NOTCH3: variants seen among roughly 807,000 people sequenced by gnomAD.
NOTCH3 encodes the protein neurogenic locus notch homolog protein 3.
A neutral mutation model predicts 213.3 loss-of-function variants in NOTCH3; 86 were observed. The ratio of observed to expected loss-of-function variants is 0.40; its 90% CI spans 0.34 to 0.48. NOTCH3 has a LOEUF of 0.48. NOTCH3 is among the 20% of genes least tolerant of loss of function. The probability of loss-of-function intolerance (pLI) is 0.57; values close to 1 mark genes in which losing one functional copy is unlikely to be tolerated. For missense variants in NOTCH3, 2,783 were observed against 3,272.6 expected (o/e 0.85, Z 3.65); for synonymous variants, 1,354 against 1,355.9 (o/e 1.00, Z 0.03).
chr19:15,175,623 A>ACACACG (rs2046784032), intron 24 of NOTCH3, among the ~76,000 whole-genome samples: 2 of 144,368 alleles, frequency 1.4e-5, no homozygotes, highest in African/African-American at 5.1e-5. Context: ...ACGCACGCAC[A>ACACACG]CACATAGTGC....
intron 10 of NOTCH3, 110 bp from the exon 11 acceptor site, chr19:15,187,448 G>T: frequency 1.1e-6 from 1 of 923,950 alleles, no homozygotes; most frequent in Non-Finnish European, 1.6e-6. Flanking sequence ...CCATCAAGCT[G>T]TCAGGAGGCG....
At chr19:15,175,270 T>C (rs960665713) in intron 24 of NOTCH3, among the ~76,000 whole-genome samples, 12 of 150,718 alleles carry the variant, frequency 8.0e-5, no homozygotes, top group Non-Finnish European at 1.3e-4. Flanking sequence ...CGGTGGCTCA[T>C]GCCTCTAATT....
At chr19:15,187,825 G>A in intron 10 of NOTCH3, 56 bp downstream of exon 10, 1 of 1,396,132 alleles carries the variant, frequency 7.2e-7, no homozygotes, top group African/African-American at 1.4e-5. Flanking sequence ...TATTGGCCCT[G>A]TCGCCCACAA....
Position 15,159,912 on chromosome 19 carries a change from C to T in NOTCH3, c.*750G>A, listed in dbSNP as rs941505459. On this transcript the variant is annotated 3_prime_UTR_variant, in exon 33 of 33. Transcript: ENST00000263388. Reference sequence around the variant, plus strand: ...TTCCCACCAGCAGCCCCCTAGTTCCCAAAGGGAGATGGCCAAGGGTGGGGC... The same window carrying T: ...TTCCCACCAGCAGCCCCCTAGTTCCTAAAGGGAGATGGCCAAGGGTGGGGC... The T allele has an allele frequency of 2.1e-5, 5 of 233,544 alleles. No homozygotes were observed. The highest frequency in any genetic ancestry group is 8.5e-6 in the Non-Finnish European group (1 of 118,020). 14.5% of individuals were successfully genotyped at this position (233,544 alleles called of 1,614,324 possible).
intron 23 of NOTCH3, 122 bp from the exon 24 acceptor site, chr19:15,178,212 T>A: frequency 5.8e-5 from 32 of 551,966 alleles, no homozygotes; most frequent in East Asian, 1.5e-4. Flanking sequence ...AGAGAAGAGG[T>A]CAAGACTAAG....
At chr19:15,187,443 A>G in intron 10 of NOTCH3, 105 bp from the exon 11 acceptor site, 1 of 1,000,274 alleles carries the variant, frequency 1.0e-6, no homozygotes, top group East Asian at 2.5e-5. Context: ...CCTGCCCATC[A>G]AGCTGTCAGG....
chr19:15,165,399 G>A lies in NOTCH3; in HGVS notation c.5784C>T (p.Ser1928=), dbSNP rs1294206827. Residue 1928 remains serine, a synonymous_variant, in exon 31 of 33, where the codon AGC becomes AGT. Coordinates refer to ENST00000263388, the MANE Select transcript of NOTCH3 (RefSeq NM_000435.3). This position sits in a 1 kb window ranked among gnomAD's most constrained non-coding sequence, Gnocchi z 4.7. ...VEGMVEELIA[S]HADVNAVDEL... is the part of the protein sequence containing the mutation. ...CATCCACAGCATTGACATCAGCATG[G>A]CTGGCGATGAGCTCTTCCACCATGC... The A allele has an allele frequency of 1.6e-5, 25 of 1,609,424 alleles. No homozygotes were observed. Among genetic ancestry groups the A allele is most frequent in the Non-Finnish European group, 2.0e-5 (24 of 1,180,010 alleles).
chr19:15,171,792 C>T (rs1220095773), intron 25 of NOTCH3, among the ~76,000 whole-genome samples: 1 of 152,198 alleles, frequency 6.6e-6, no homozygotes, highest in Non-Finnish European at 1.5e-5. Context: ...GCCTCAGCCT[C>T]CTGAGTAGCT....
At chr19:15,186,232 G>A (rs1320589811) in intron 12 of NOTCH3, among the ~76,000 whole-genome samples, 1 of 152,020 alleles carries the variant, frequency 6.6e-6, no homozygotes, top group Admixed American at 6.6e-5. Context: ...CCAAAGTGCT[G>A]GGGGATTACA....
At chr19:15,193,542 T>A (rs988630113) in intron 2 of NOTCH3, among the ~76,000 whole-genome samples, 1 of 151,838 alleles carries the variant, frequency 6.6e-6, no homozygotes, top group African/African-American at 2.4e-5. Context: ...CAAGACAGGA[T>A]AATCACTTCA....
At chr19:15,174,833 C>A (rs2145410207) in intron 24 of NOTCH3, among the ~76,000 whole-genome samples, 1 of 152,242 alleles carries the variant, frequency 6.6e-6, no homozygotes, top group Middle Eastern at 3.4e-3. Context: ...CTCGGCCTCC[C>A]AAAGTGCTGG....
intron 23 of NOTCH3, 168 bp from the exon 24 acceptor site, chr19:15,178,258 C>T (rs2046809214): frequency 1.8e-6 from 1 of 543,454 alleles, no homozygotes; most frequent in Non-Finnish European, 3.2e-6. Flanking sequence ...CCATGTCCCA[C>T]CCAACCGCTC....
chr19:15,160,931 C>T lies in NOTCH3; in HGVS notation c.6697G>A (p.Ala2233Thr). 6.2e-7 allele frequency: 1 copy of T among 1,601,630 alleles called. No individual in the cohort carries two copies. Among genetic ancestry groups the T allele is most frequent in the Admixed American group, 1.7e-5 (1 of 58,352 alleles). ...AAGAHSSPPK[A>T]RFLRVPSEHP... ...TCACTGGGAACCCGCAGGAAGCGGG[C>T]CTTTGGGGGGCTGCTGTGTGCCCCA... Residue 2233 changes from alanine (A) to threonine (T), a missense_variant, in exon 33 of 33, where the codon GCC becomes ACC. Coordinates refer to ENST00000263388, the MANE Select transcript of NOTCH3 (RefSeq NM_000435.3).
rs1361242561 is a variant in NOTCH3 at position 15,165,880 on chromosome 19, C to T, written c.5574G>A (p.Leu1858=). The T allele has an allele frequency of 3.7e-6, 6 of 1,614,130 alleles. No individual in the cohort carries two copies. The highest frequency in any genetic ancestry group is 2.2e-5 in the East Asian group (1 of 44,876). Reference sequence around the variant, plus strand: ...CATTGGTGTCTGCCCCAGCATCCAGCAGCCGCTTGGCTGCATCAGCACGGG... The same window carrying T: ...CATTGGTGTCTGCCCCAGCATCCAGTAGCCGCTTGGCTGCATCAGCACGGG... The part of the protein sequence containing the change: ...RYARADAAKR[L]LDAGADTNAQ... The change falls in exon 30 of 33, where the codon CTG becomes CTA. Residue 1858 remains leucine, a synonymous_variant. Coordinates refer to ENST00000263388, the MANE Select transcript of NOTCH3 (RefSeq NM_000435.3). The surrounding 1 kb of genome is among the most constrained non-coding windows in gnomAD (Gnocchi z 4.7).
Position 15,189,440 on chromosome 19 carries a change from TA to T in NOTCH3, c.1037-13del, listed in dbSNP as rs1202661952. 6.2e-7 allele frequency: 1 copy of T among 1,613,358 alleles called. No homozygotes were observed. Among genetic ancestry groups the T allele is most frequent in the Non-Finnish European group, 8.5e-7 (1 of 1,180,024 alleles). ...GTGACACAGGAGGCCTGGGAAGTGG[TA>T]AGCAGAAGTCATAGGCAGATCTTCC... On this transcript the variant is annotated splice_polypyrimidine_tract_variant and intron_variant, in intron 6 of 32. Coordinates refer to ENST00000263388, the MANE Select transcript of NOTCH3 (RefSeq NM_000435.3).
intron 25 of NOTCH3, among the ~76,000 whole-genome samples, chr19:15,171,827 G>A (rs565147957): frequency 3.3e-5 from 5 of 152,114 alleles, no homozygotes; most frequent in Admixed American, 6.5e-5. Context: ...GCGCTGCCAC[G>A]CCCAGGTAAT....
At chr19:15,175,924 G>A (rs1190230130) in intron 24 of NOTCH3, among the ~76,000 whole-genome samples, 1 of 151,362 alleles carries the variant, frequency 6.6e-6, no homozygotes, top group Non-Finnish European at 1.5e-5. Context: ...GGGGGTGGAG[G>A]GTTCCAAGCA....
intron 29 of NOTCH3, 146 bp from the exon 30 acceptor site, chr19:15,166,237 A>C: frequency 4.1e-6 from 3 of 730,684 alleles, no homozygotes; most frequent in Non-Finnish European, 7.1e-6. Context: ...CACACCCAGA[A>C]TGAGGATTCG....
intron 24 of NOTCH3, among the ~76,000 whole-genome samples, chr19:15,176,763 A>T (rs1365343167): frequency 4.1e-5 from 2 of 49,262 alleles, no homozygotes; most frequent in Non-Finnish European, 7.1e-5. Flanking sequence ...ACCCTGTCTT[A>T]AAAAAAAAAA....
Sources: allele counts gnomAD v4.1 joint callset (sites outside exome capture counted in the v4.1 genomes callset), GRCh38; gene constraint gnomAD v4.1.1; non-coding constraint Gnocchi (gnomAD v3.1); transcripts MANE v1.5; gene names NCBI Gene and HGNC (gene_info 2026-07-23, HGNC 2026-07-21).